Variants in GPC6 observed in about 807,000 individuals in gnomAD.
The protein encoded by GPC6 is glypican-6.
Under a neutral mutation model 55.2 loss-of-function variants are expected in GPC6, and 14 were observed. The observed-to-expected ratio is 0.25, with a 90% confidence interval of 0.17 to 0.40. The LOEUF is 0.40. GPC6 is among the 10% of genes least tolerant of loss of function. The probability of loss-of-function intolerance (pLI) is 1.00; values close to 1 mark genes in which losing one functional copy is unlikely to be tolerated. For synonymous variants in GPC6, 278 were observed against 259.6 expected (o/e 1.07, Z -0.68); for missense variants, 641 against 708.5 (o/e 0.90, Z 1.08).
At chr13:93,566,179 CT>C (rs1876107153) in intron 2 of GPC6, among the ~76,000 whole-genome samples, 1 of 152,098 alleles carries the variant, frequency 6.6e-6, no homozygotes, top group Non-Finnish European at 1.5e-5. Flanking sequence ...TTTATGTTTC[CT>C]TGTAATAATC....
intron 2 of GPC6, among the ~76,000 whole-genome samples, chr13:93,609,308 A>T (rs983527265): frequency 2.6e-5 from 4 of 152,160 alleles, no homozygotes; most frequent in Non-Finnish European, 5.9e-5. Context: ...TCCGCCTCCC[A>T]GGCTAAAGCA....
chr13:93,220,829 C>T, the GPC6 span, among the ~76,000 whole-genome samples: 1 of 152,062 alleles, frequency 6.6e-6, no homozygotes, highest in Non-Finnish European at 1.5e-5. Flanking sequence ...CACTTAGAAT[C>T]AATGAAGAGT....
chr13:94,361,652 A>G (rs1879067283), intron 6 of GPC6, among the ~76,000 whole-genome samples: 1 of 152,250 alleles, frequency 6.6e-6, no homozygotes, highest in African/African-American at 2.4e-5. Flanking sequence ...TTGGCCAATA[A>G]CAAGAATCAA....
intron 2 of GPC6, among the ~76,000 whole-genome samples, chr13:93,753,037 A>G (rs1004656520): frequency 6.6e-6 from 1 of 152,200 alleles, no homozygotes; most frequent in South Asian, 2.1e-4. Flanking sequence ...GTTTTAAGCT[A>G]CTGAAAGAGC....
At chr13:94,329,986 G>C (rs1877326254) in intron 6 of GPC6, among the ~76,000 whole-genome samples, 1 of 152,178 alleles carries the variant, frequency 6.6e-6, no homozygotes, top group Non-Finnish European at 1.5e-5. Context: ...TGCTGAACTT[G>C]AATATGCCTT....
intron 1 of GPC6, among the ~76,000 whole-genome samples, chr13:93,381,159 T>C (rs1875151342): frequency 6.6e-6 from 1 of 152,120 alleles, no homozygotes; most frequent in African/African-American, 2.4e-5. Context: ...CTAAATCATA[T>C]CATATTAAAA....
intron 1 of GPC6, among the ~76,000 whole-genome samples, chr13:93,238,778 C>T (rs1056944560): frequency 7.1e-6 from 1 of 140,334 alleles, no homozygotes; most frequent in Non-Finnish European, 1.6e-5. Context: ...TGCCTAGTTT[C>T]TTGGGGGTTT....
At chr13:93,600,537 C>T (rs1877962440) in intron 2 of GPC6, among the ~76,000 whole-genome samples, 1 of 152,112 alleles carries the variant, frequency 6.6e-6, no homozygotes. Context: ...AAAGGATAAG[C>T]AGAGTCTGGT....
chr13:94,043,255 T>C (rs960165049), intron 4 of GPC6, among the ~76,000 whole-genome samples: 2 of 151,892 alleles, frequency 1.3e-5, no homozygotes, highest in Admixed American at 6.6e-5. Context: ...TCGATGCTAC[T>C]GGAGGGTCAT....
At chr13:94,364,410 C>G (rs1566722152) in intron 6 of GPC6, among the ~76,000 whole-genome samples, 1 of 152,094 alleles carries the variant, frequency 6.6e-6, no homozygotes, top group African/African-American at 2.4e-5. Context: ...GGTAATTTAC[C>G]TCACCGGGGT....
At chr13:93,850,918 G>T (rs1456958133) in intron 3 of GPC6, among the ~76,000 whole-genome samples, 1 of 151,942 alleles carries the variant, frequency 6.6e-6, no homozygotes, top group African/African-American at 2.4e-5. Context: ...TTTCAGGACT[G>T]CACCTCTGAG....
chr13:93,745,118 T>G (rs1884355441), intron 2 of GPC6, among the ~76,000 whole-genome samples: 1 of 152,022 alleles, frequency 6.6e-6, no homozygotes, highest in African/African-American at 2.4e-5. Flanking sequence ...TCCAGCTCAT[T>G]CCCTGGACAA....
chr13:93,925,814 G>T (rs1229391171), intron 3 of GPC6, among the ~76,000 whole-genome samples: 1 of 152,158 alleles, frequency 6.6e-6, no homozygotes, highest in Non-Finnish European at 1.5e-5. Context: ...AATGTTTCTA[G>T]GGCTTCTTTC....
intron 2 of GPC6, among the ~76,000 whole-genome samples, chr13:93,682,096 A>T (rs757375860): frequency 6.6e-6 from 1 of 152,266 alleles, no homozygotes; most frequent in Admixed American, 6.5e-5. Flanking sequence ...CTACACATTC[A>T]CTGAATAGAC....
chr13:94,047,669 C>T (rs887626627), intron 4 of GPC6, among the ~76,000 whole-genome samples: 8 of 152,068 alleles, frequency 5.3e-5, no homozygotes, highest in Non-Finnish European at 7.4e-5. Flanking sequence ...TAAAGAAAAA[C>T]GGTTTTCAAG....
At chr13:93,699,662 T>G (rs1303564896) in intron 2 of GPC6, among the ~76,000 whole-genome samples, 1 of 152,140 alleles carries the variant, frequency 6.6e-6, no homozygotes, top group Non-Finnish European at 1.5e-5. Context: ...TGAATATAAT[T>G]TACATAGATC....
intron 6 of GPC6, among the ~76,000 whole-genome samples, chr13:94,372,997 G>A (rs551979230): frequency 9.5e-4 from 145 of 152,296 alleles, no homozygotes; most frequent in Middle Eastern, 6.8e-3. Context: ...ACCTGCAGCT[G>A]AGGGTCCTAT....
At chr13:93,722,506 A>G (rs1023137229) in intron 2 of GPC6, among the ~76,000 whole-genome samples, 1 of 151,814 alleles carries the variant, frequency 6.6e-6, no homozygotes, top group Non-Finnish European at 1.5e-5. Flanking sequence ...TCTTATTTTA[A>G]TAAATGTAAT....
At chr13:93,771,523 G>A (rs940249763) in intron 2 of GPC6, among the ~76,000 whole-genome samples, 2 of 152,070 alleles carry the variant, frequency 1.3e-5, no homozygotes, top group African/African-American at 4.8e-5. Flanking sequence ...AGGAGTCCCA[G>A]GATTACAAGT....
Sources: gnomAD v4.1 joint callset for allele counts (sites outside exome capture counted in the v4.1 genomes callset) on GRCh38, gnomAD v4.1.1 for gene constraint, MANE v1.5 for transcripts, NCBI Gene and HGNC (gene_info 2026-07-23, HGNC 2026-07-21) for gene names.